SFTPB: variants seen among roughly 807,000 people sequenced by gnomAD.
SFTPB encodes the protein pulmonary surfactant-associated protein B.
In SFTPB, 32 loss-of-function variants were observed where a neutral mutation model predicts 51.0. The ratio of observed to expected loss-of-function variants is 0.63; its 90% CI spans 0.47 to 0.84. The LOEUF (loss-of-function observed/expected upper bound fraction) is 0.84. Among genes scored for constraint, SFTPB ranks in the 40% least tolerant of loss-of-function variants. The pLI is 0.00. For missense variants in SFTPB, 431 were observed against 491.2 expected (o/e 0.88, Z 1.16); for synonymous variants, 211 against 208.5 (o/e 1.01, Z -0.10).
rs1170497370 is a variant in SFTPB, at chr2:85,665,453, TC to T, written c.583-76del. ...CTCCAGGCTCTCCTCCCCTCTCTCT[TC>T]CTCCCTTTCTCTCCCTCCTCCCTTA... On this transcript the variant is annotated intron_variant, in intron 5 of 10. Transcript: ENST00000519937. The T allele has an allele frequency of 7.6e-6, 11 of 1,449,944 alleles. No individual in the cohort carries two copies. In the African/African-American group the frequency reaches 1.5e-4, roughly 20 times the overall value. 89.8% of individuals were successfully genotyped at this position (1,449,944 alleles called of 1,614,324 possible).
At chr2:85,660,288 AT>A (rs60518418) in intron 10 of SFTPB, among the ~76,000 whole-genome samples, 5,076 of 80,522 alleles carry the variant, frequency 0.063, 147 homozygotes, top group Non-Finnish European at 0.093. Context: ...CATCTGGCTA[AT>A]TTTTTTTTTT....
In SFTPB at chr2:85,658,785, G is replaced by C. The variant is rs1677155246; in HGVS notation, c.*917C>G. ...GGATCCTCCTGCCTCGGCCTCCTAAGGTGCTGGGATTGCAGGTGTGAGCCA... is the reference window on the plus strand; with the variant it reads ...GGATCCTCCTGCCTCGGCCTCCTAACGTGCTGGGATTGCAGGTGTGAGCCA... On this transcript the variant is annotated 3_prime_UTR_variant, in exon 11 of 11. Transcript: ENST00000519937. 1 of 152,114 alleles carries C rather than the reference G, an allele frequency of 6.6e-6. No homozygotes were observed. Among genetic ancestry groups the C allele is most frequent in the African/African-American group, 2.4e-5 (1 of 41,418 alleles). 9.4% of individuals were successfully genotyped at this position (152,114 alleles called of 1,614,324 possible).
rs1373799670 is a variant in SFTPB, at chr2:85,663,942, C to T, written c.673-95G>A. The T allele has an allele frequency of 2.3e-5, 27 of 1,181,178 alleles. No homozygotes were observed. In the East Asian group the frequency reaches 6.4e-4, roughly 28 times the overall value. The allele number at this position is 1,181,178 out of a possible 1,614,324, so 73.2% of individuals were successfully genotyped here. A position where few individuals can be genotyped will look rare whatever the true frequency, so the allele number is the denominator to read the frequency against. On this transcript the variant is annotated intron_variant, in intron 6 of 10. Transcript: ENST00000519937. ...CCAGCTGGGCACTTCCTACGCATTCCCTCATTCTCTTCTAGAAGGGAGGGC... is the reference window on the plus strand; with the variant it reads ...CCAGCTGGGCACTTCCTACGCATTCTCTCATTCTCTTCTAGAAGGGAGGGC...
intron 6 of SFTPB, among the ~76,000 whole-genome samples, chr2:85,664,526 G>A (rs547836993): frequency 3.3e-5 from 5 of 152,204 alleles, no homozygotes; most frequent in South Asian, 2.1e-4. Flanking sequence ...GTACAGTGGC[G>A]TGATGTCGGC....
chr2:85,662,001 T>C (rs754551217), intron 9 of SFTPB, 28 bp downstream of exon 9: 1 of 1,578,832 alleles, frequency 6.3e-7, no homozygotes, highest in African/African-American at 1.3e-5. Flanking sequence ...AGGGAAGTCC[T>C]AGGACCAACT....
intron 7 of SFTPB, 46 bp downstream of exon 7, chr2:85,663,618 G>T: frequency 6.3e-7 from 1 of 1,593,812 alleles, no homozygotes; most frequent in Middle Eastern, 1.7e-4. Context: ...AGGGTAGGGG[G>T]AGGAGGAGAG....
Position 85,665,446 on chromosome 2 carries a change from T to C in SFTPB, c.583-68A>G, listed in dbSNP as rs36145588. 3.9e-5 allele frequency: 56 copies of C among 1,453,114 alleles called. No homozygotes were observed. The African/African-American group carries it at 7.4e-4, about 19-fold the overall frequency. 90.0% of individuals were successfully genotyped at this position (1,453,114 alleles called of 1,614,324 possible). On this transcript the variant is annotated intron_variant, in intron 5 of 10. Transcript: ENST00000519937. ...AAGAGTCCTCCAGGCTCTCCTCCCC[T>C]CTCTCTTCCTCCCTTTCTCTCCCTC...
In SFTPB at chr2:85,662,129, G is replaced by A; in HGVS notation, c.1003-20C>T. On this transcript the variant is annotated intron_variant, in intron 8 of 10. Transcript: ENST00000519937. ...CTTGCACTGAGGAAGGAGACACACA[G>A]CTGTGGAGGGTCCCTTTGCAGGACT... 1 of 1,589,716 alleles carries A rather than the reference G, an allele frequency of 6.3e-7. No homozygotes were observed. The highest frequency in any genetic ancestry group is 2.3e-5 in the East Asian group (1 of 44,074).
At chr2:85,667,543 C>G in intron 2 of SFTPB, 136 bp downstream of exon 2, 1 of 1,135,044 alleles carries the variant, frequency 8.8e-7, no homozygotes, top group Non-Finnish European at 1.3e-6. Flanking sequence ...CCATTTTATC[C>G]TATCTCATTT....
At chr2:85,665,050 C>A (rs536165022) in intron 6 of SFTPB, among the ~76,000 whole-genome samples, 2 of 152,316 alleles carry the variant, frequency 1.3e-5, no homozygotes, top group African/African-American at 4.8e-5. Flanking sequence ...GGCGTGGCAC[C>A]TCCATACAGT....
At position 85,659,356 on chromosome 2, in the gene SFTPB, T is replaced by C. The variant is rs1025665758; in HGVS notation, c.*346A>G. ...CCCTGTCCTGTAAAGCAGTGGCTGG[T>C]TTTTCCTGAGCCCAGCCCTGGGAGG... On this transcript the variant is annotated 3_prime_UTR_variant, in exon 11 of 11. Transcript: ENST00000519937. 2.0e-5 allele frequency: 3 copies of C among 151,950 alleles called. No individual in the cohort carries two copies. Among genetic ancestry groups the C allele is most frequent in the Non-Finnish European group, 4.4e-5 (3 of 68,012 alleles). 9.4% of individuals were successfully genotyped at this position (151,950 alleles called of 1,614,324 possible). A position where few individuals can be genotyped will look rare whatever the true frequency, so the allele number is the denominator to read the frequency against.
chr2:85,663,409 G>C lies in SFTPB; in HGVS notation c.939C>G (p.Ser313Arg), dbSNP rs529085827. Residue 313 changes from serine (S) to arginine (R), a missense_variant, in exon 8 of 11, where the codon AGC becomes AGG. Transcript: ENST00000519937. Reference protein sequence around the residue: ...MSVTTQAGNSSEQAIPQAMLQ... With the variant: ...MSVTTQAGNSREQAIPQAMLQ... ...GCATTGCCTGTGGTATGGCCTGCTC[G>C]CTGCTGTTCCCGGCCTGGGTGGTCA... 4.3e-6 allele frequency: 7 copies of C among 1,613,884 alleles called. No individual in the cohort carries two copies. The highest frequency in any genetic ancestry group is 2.5e-6 in the Non-Finnish European group (3 of 1,180,030).
rs1558572416 is a variant in SFTPB at position 85,661,512 on chromosome 2, C to T, written c.1107G>A (p.Met369Ile). The part of the protein sequence containing the change: ...TCQALGVCGT[M>I]SSPLQCIHSP... ...TGTGGATACACTGGAGAGGGCTGGA[C>T]ATGGTCCCACACACCCCGAGGGCCT... The change falls in exon 10 of 11, where the codon ATG (methionine) becomes ATA (isoleucine). Residue 369 changes from methionine to isoleucine, a missense_variant. Physicochemically the swap from Met to Ile is conservative, Grantham distance 10. Coordinates refer to ENST00000519937, the MANE Select transcript of SFTPB (RefSeq NM_000542.5). 6.2e-7 allele frequency: 1 copy of T among 1,612,082 alleles called. No individual in the cohort carries two copies.
rs1677724066 is a variant in SFTPB at position 85,667,704 on chromosome 2, T to G, written c.170A>C (p.Gln57Pro). ...LQCRALGHCL[Q>P]EVWGHVGADD... is the part of the protein sequence containing the mutation. ...GGCTCCCACATGTCCCCAGACTTCC[T>G]GTAGGCAATGCCCTAGGGCTCTGCA... The change falls in exon 2 of 11, where the codon CAG becomes CCG. Residue 57 changes from glutamine to proline, a missense_variant. By Grantham distance (76) the Gln-to-Pro change is moderately conservative. Coordinates refer to ENST00000519937, the MANE Select transcript of SFTPB (RefSeq NM_000542.5). 1.2e-6 allele frequency: 2 copies of G among 1,614,128 alleles called. No homozygotes were observed. The highest frequency in any genetic ancestry group is 1.1e-5 in the South Asian group (1 of 91,094).
chr2:85,661,153 C>G (rs1677271094), intron 10 of SFTPB: 1 of 296,836 alleles, frequency 3.4e-6, no homozygotes, highest in Non-Finnish European at 6.2e-6. Context: ...CAGAGAGTCC[C>G]TGGGGCAAGC....
intron 10 of SFTPB, among the ~76,000 whole-genome samples, chr2:85,660,386 C>T (rs537482547): frequency 1.3e-4 from 19 of 146,628 alleles, no homozygotes; most frequent in Non-Finnish European, 2.4e-4. Flanking sequence ...CCACTCGCCT[C>T]GGTCTCCCAA....
At chr2:85,663,613 A>AG in intron 7 of SFTPB, 51 bp downstream of exon 7, 1 of 1,590,170 alleles carries the variant, frequency 6.3e-7, no homozygotes, top group Non-Finnish European at 8.6e-7. Context: ...GTGGCAGGGT[A>AG]GGGGGAGGAG....
In SFTPB at chr2:85,668,195, A is replaced by G. The variant is rs1044293671; in HGVS notation, c.-12T>C. ...TGTGACTCAGCCATGGCACCTCTGC[A>G]GCCTGGGTACCCTGCTTGGTGCATG... On this transcript the variant is annotated 5_prime_UTR_variant, in exon 1 of 11. Coordinates refer to ENST00000519937, the MANE Select transcript of SFTPB (RefSeq NM_000542.5). 23 of 1,551,170 alleles carry G rather than the reference A, an allele frequency of 1.5e-5. No individual in the cohort carries two copies. The highest frequency in any genetic ancestry group is 3.6e-5 in the South Asian group (3 of 84,048).
rs574537035 is a variant in SFTPB, at chr2:85,666,119, T to C, written c.394-325A>G. Among the ~76,000 whole-genome samples, 4 of 151,764 alleles carry C rather than the reference T, an allele frequency of 2.6e-5. No individual in the cohort carries two copies. In the East Asian group the frequency reaches 7.8e-4, roughly 29 times the overall value. ...TGCACCTGAACCTGGGGGCCCATGG[T>C]CGGGTGCATGGCTGAAGGGCACGTA... On this transcript the variant is annotated intron_variant, in intron 4 of 10. Transcript: ENST00000519937.
Sources: gnomAD v4.1 joint callset for allele counts (sites outside exome capture counted in the v4.1 genomes callset) on GRCh38, gnomAD v4.1.1 for gene constraint, MANE v1.5 for transcripts, NCBI Gene and HGNC (gene_info 2026-07-23, HGNC 2026-07-21) for gene names.